TMEM135: variants seen among roughly 807,000 people sequenced by gnomAD.
The protein encoded by TMEM135 is peroxisomal membrane protein 52.
In TMEM135, 30 loss-of-function variants were observed where a neutral mutation model predicts 60.3. That is an observed-to-expected ratio of 0.50 (90% CI 0.37 to 0.68). The LOEUF is 0.68. Ranked by LOEUF, TMEM135 falls within the 30% of genes least tolerant of loss-of-function variation. The pLI is 0.00. For synonymous variants in TMEM135, 190 were observed against 186.7 expected (o/e 1.02, Z -0.14); for missense variants, 468 against 548.8 (o/e 0.85, Z 1.47).
intron 5 of TMEM135, among the ~76,000 whole-genome samples, chr11:87,163,680 C>T (rs1439470214): frequency 3.3e-5 from 5 of 150,662 alleles, no homozygotes; most frequent in Admixed American, 6.6e-5. Flanking sequence ...CCTATTTCTC[C>T]ACATCCTCTC....
intron 6 of TMEM135, among the ~76,000 whole-genome samples, chr11:87,244,817 A>AT (rs370849428): frequency 0.65 from 94,330 of 144,802 alleles, 31,448 homozygotes; most frequent in Non-Finnish European, 0.7. Flanking sequence ...GGATTCATTA[A>AT]TTTTTTGAAG....
In TMEM135 at chr11:87,253,769, G is replaced by A. The variant is rs142385092; in HGVS notation, c.509+17085G>A. Reference sequence around the variant, plus strand: ...TGTTAAGGTACATCAAATTGGCACTGTGTAATCTTATTTCTAAGTTACAAT... The same window carrying A: ...TGTTAAGGTACATCAAATTGGCACTATGTAATCTTATTTCTAAGTTACAAT... On this transcript the variant is annotated intron_variant, in intron 6 of 14. Coordinates refer to ENST00000305494, the MANE Select transcript of TMEM135 (RefSeq NM_022918.4). 5.8e-3 allele frequency among the ~76,000 whole-genome samples: 875 copies of A among 150,214 alleles called. 9 individuals are homozygous for A. The highest frequency in any genetic ancestry group is 0.02 in the African/African-American group (810 of 40,850).
chr11:87,259,323 T>C (rs1410738967), intron 6 of TMEM135: 6 of 325,256 alleles, frequency 1.8e-5, no homozygotes, highest in Admixed American at 1.2e-4. Flanking sequence ...CAAACCACTG[T>C]ACTTGCCATG....
At chr11:87,206,443 T>A (rs1227745435) in intron 5 of TMEM135, among the ~76,000 whole-genome samples, 1 of 152,122 alleles carries the variant, frequency 6.6e-6, no homozygotes, top group Non-Finnish European at 1.5e-5. Context: ...GAATGTTGTT[T>A]TTTTCCTCCT....
At chr11:87,071,497 A>G in intron 2 of TMEM135, 26 bp from the exon 3 acceptor site, 1 of 1,584,424 alleles carries the variant, frequency 6.3e-7, no homozygotes, top group Non-Finnish European at 8.7e-7. Context: ...GGAATTTCAT[A>G]CAAAAATTCC....
At chr11:87,198,489 T>C (rs771675442) in intron 5 of TMEM135, among the ~76,000 whole-genome samples, 14 of 151,862 alleles carry the variant, frequency 9.2e-5, no homozygotes, top group Non-Finnish European at 1.6e-4. Context: ...TTTTTGTTAG[T>C]TGGTTTTTCC....
rs759295010 is a variant in TMEM135, at chr11:87,038,116, G to C, written c.71G>C (p.Arg24Pro). The change falls in exon 1 of 15, where the codon CGG (arginine) becomes CCG (proline). Residue 24 changes from arginine to proline, a missense_variant. Arg to Pro is a moderately radical substitution (Grantham distance 103). Coordinates refer to ENST00000305494, the MANE Select transcript of TMEM135 (RefSeq NM_022918.4). ...GGCCACACTTGGCACCCTTCCTGCC[G>C]GGTCTCCTTCCTGCAGATCACCGGG... ...EIGHTWHPSC[R>P]VSFLQITGGA... 5.0e-6 allele frequency: 8 copies of C among 1,614,020 alleles called. No homozygotes were observed. The East Asian group carries it at 1.8e-4, about 36-fold the overall frequency.
At chr11:87,063,924 C>T (rs2513212) in intron 1 of TMEM135, among the ~76,000 whole-genome samples, 34,285 of 151,942 alleles carry the variant, frequency 0.23, 4,422 homozygotes, top group East Asian at 0.53. Flanking sequence ...TGTCTTTTGG[C>T]GGACATAAGC....
At chr11:87,133,531 A>T (rs937270215) in intron 4 of TMEM135, among the ~76,000 whole-genome samples, 1 of 152,202 alleles carries the variant, frequency 6.6e-6, no homozygotes, top group African/African-American at 2.4e-5. Context: ...CTCTTTACAA[A>T]ACCAGTTTAT....
At chr11:87,159,867 T>G (rs1284465479) in intron 5 of TMEM135, among the ~76,000 whole-genome samples, 3 of 152,030 alleles carry the variant, frequency 2.0e-5, no homozygotes, top group Non-Finnish European at 4.4e-5. Context: ...TGTTTGAGAG[T>G]AGGAGTAAAC....
intron 5 of TMEM135, among the ~76,000 whole-genome samples, chr11:87,175,396 A>G (rs1192425580): frequency 1.3e-5 from 2 of 152,176 alleles, no homozygotes; most frequent in Non-Finnish European, 2.9e-5. Flanking sequence ...GTGTAGACCA[A>G]GAAGGCCAAA....
At position 87,305,909 on chromosome 11, in the gene TMEM135, G is replaced by A. The variant is rs1193797812; in HGVS notation, c.699-27G>A. The A allele has an allele frequency of 2.6e-5, 41 of 1,583,440 alleles. No homozygotes were observed. The Admixed American group carries it at 6.7e-4, about 26-fold the overall frequency. On this transcript the variant is annotated intron_variant, in intron 8 of 14. Transcript: ENST00000305494. ...GATATACACACTTTAATTATAATTA[G>A]TTTAATTTTTTTGGGTTCAATTTCA...
chr11:87,173,336 A>C (rs78367755), intron 5 of TMEM135, among the ~76,000 whole-genome samples: 9,384 of 152,224 alleles, frequency 0.062, 468 homozygotes, highest in African/African-American at 0.14. Context: ...CACTGGAATC[A>C]GATCTAGTGT....
chr11:87,245,442 A>C lies in TMEM135; in HGVS notation c.509+8758A>C, dbSNP rs1486689806. 1.1e-4 allele frequency among the ~76,000 whole-genome samples: 13 copies of C among 115,510 alleles called. 1 individual carries two copies. The highest frequency in any genetic ancestry group is 4.1e-4 in the African/African-American group (12 of 29,556). 75.8% of individuals were successfully genotyped at this position (115,510 alleles called of 152,430 possible). A position where few individuals can be genotyped will look rare whatever the true frequency, so the allele number is the denominator to read the frequency against. ...TGACTCGCTGATCTGTCTAATGTTG[A>C]CAGTGGGGTGTTAAAGTCTCCCATT... On this transcript the variant is annotated intron_variant, in intron 6 of 14. Coordinates refer to ENST00000305494, the MANE Select transcript of TMEM135 (RefSeq NM_022918.4).
intron 6 of TMEM135, among the ~76,000 whole-genome samples, chr11:87,250,029 G>T (rs641424): frequency 0.089 from 13,466 of 152,014 alleles, 755 homozygotes; most frequent in South Asian, 0.16. Flanking sequence ...TTCAATTTTG[G>T]TAGATTGTAT....
At chr11:87,272,985 C>T (rs1941898293) in intron 6 of TMEM135, among the ~76,000 whole-genome samples, 1 of 152,188 alleles carries the variant, frequency 6.6e-6, no homozygotes, top group African/African-American at 2.4e-5. Context: ...TAGGTCTTCT[C>T]ATTTTTGAAG....
chr11:87,043,072 C>T (rs1368264346), intron 1 of TMEM135, among the ~76,000 whole-genome samples: 1 of 151,334 alleles, frequency 6.6e-6, no homozygotes, highest in Non-Finnish European at 1.5e-5. Flanking sequence ...TCTGCTGCCT[C>T]AGCCTCCCGA....
chr11:87,323,807 T>C lies in TMEM135; in HGVS notation c.*2474T>C, dbSNP rs936385510. 8.8e-6 allele frequency: 4 copies of C among 453,772 alleles called. No individual in the cohort carries two copies. The highest frequency in any genetic ancestry group is 8.0e-5 in the African/African-American group (4 of 50,002). The allele number at this position is 453,772 out of a possible 1,614,324, so 28.1% of individuals were successfully genotyped here. On this transcript the variant is annotated 3_prime_UTR_variant, in exon 15 of 15. Transcript: ENST00000305494. ...TTCTCAGCAGTTTTTCATCAAATAA[T>C]TTCAGGATCCATTTTATTACTCATT... is the stretch of plus-strand genomic sequence containing the variant.
chr11:87,327,624 C>A lies in TMEM135; in HGVS notation c.*6291C>A, dbSNP rs775234420. On this transcript the variant is annotated 3_prime_UTR_variant, in exon 15 of 15. Transcript: ENST00000305494. ...CATGTGATTGTGGAGGCTGAGAAAC[C>A]CCACCACAGGCCATTCATAACCTGG... The A allele has an allele frequency of 2.2e-6, 1 of 453,400 alleles. No homozygotes were observed. The highest frequency in any genetic ancestry group is 1.6e-5 in the South Asian group (1 of 64,430). The allele number at this position is 453,400 out of a possible 1,614,324, so 28.1% of individuals were successfully genotyped here.
Sources: gnomAD v4.1 joint callset for allele counts (sites outside exome capture counted in the v4.1 genomes callset) on GRCh38, gnomAD v4.1.1 for gene constraint, MANE v1.5 for transcripts, NCBI Gene and HGNC (gene_info 2026-07-23, HGNC 2026-07-21) for gene names.